The following SEC22A variants were observed in gnomAD, a reference collection of about 807,000 sequenced individuals.
SEC22A encodes the protein vesicle-trafficking protein SEC22a.
A neutral mutation model predicts 35.3 loss-of-function variants in SEC22A; 22 were observed. That is an observed-to-expected ratio of 0.62 (90% CI 0.45 to 0.89). SEC22A has a LOEUF of 0.89. SEC22A is among the 40% of genes least tolerant of loss of function. SEC22A has a pLI of 0.00. For missense variants in SEC22A, 354 were observed against 362.5 expected (o/e 0.98, Z 0.19); for synonymous variants, 119 against 129.5 (o/e 0.92, Z 0.55).
rs541007531 is a variant in SEC22A, at chr3:123,222,952, TACCAGTCA to T, written c.183-604_183-597del. Among the ~76,000 whole-genome samples the T allele has an allele frequency of 1.4e-4, 22 of 152,374 alleles. No individual in the cohort carries two copies. The South Asian group carries it at 4.3e-3, about 30-fold the overall frequency. On this transcript the variant is annotated intron_variant, in intron 2 of 6. Transcript: ENST00000492595. ...CCATTGCTAGCACTTCCTCTACGTT[TACCAGTCA>T]ACACTCAGCATTCTGCTTTAAGCCA...
At chr3:123,235,300 A>G (rs532978533) in intron 4 of SEC22A, among the ~76,000 whole-genome samples, 3 of 152,378 alleles carry the variant, frequency 2.0e-5, no homozygotes, top group South Asian at 4.1e-4. Context: ...AGGAACTAGT[A>G]TCTAGAATAT....
At chr3:123,237,942 AG>A (rs1372892007) in intron 4 of SEC22A, among the ~76,000 whole-genome samples, 1 of 152,090 alleles carries the variant, frequency 6.6e-6, no homozygotes, top group African/African-American at 2.4e-5. Context: ...GTTTGAGCCT[AG>A]GTGTTTGAGA....
chr3:123,255,480 CAT>C (rs1229374122), intron 5 of SEC22A, among the ~76,000 whole-genome samples: 4 of 152,114 alleles, frequency 2.6e-5, no homozygotes, highest in African/African-American at 9.7e-5. Flanking sequence ...TACACACACA[CAT>C]ACACACACAC....
intron 5 of SEC22A, among the ~76,000 whole-genome samples, chr3:123,248,548 G>A (rs1186959146): frequency 6.6e-6 from 1 of 152,008 alleles, no homozygotes; most frequent in East Asian, 1.9e-4. Flanking sequence ...TCTTTATGAG[G>A]AAAATGATAA....
intron 4 of SEC22A, among the ~76,000 whole-genome samples, chr3:123,241,122 G>T (rs1353669024): frequency 6.6e-6 from 1 of 150,776 alleles, no homozygotes; most frequent in Non-Finnish European, 1.5e-5. Flanking sequence ...GCATTTTTTA[G>T]AAATACAGTA....
At chr3:123,217,260 C>T (rs1029474215) in intron 2 of SEC22A, among the ~76,000 whole-genome samples, 4 of 151,752 alleles carry the variant, frequency 2.6e-5, no homozygotes, top group East Asian at 1.9e-4. Context: ...TGCAATGGCA[C>T]GATCTTGGCT....
chr3:123,271,569 T>G lies in SEC22A; in HGVS notation c.771T>G (p.Phe257Leu), dbSNP rs777411952. Reference sequence around the variant, plus strand: ...CCGGCTGGCGGAATGTCAAATCTTTTTTGACTTTTGGCTTAATCTGTCTAT... The same window carrying G: ...CCGGCTGGCGGAATGTCAAATCTTTGTTGACTTTTGGCTTAATCTGTCTAT... ...YYTGWRNVKS[F>L]LTFGLICLCN... The change falls in exon 7 of 7, where the codon TTT (phenylalanine) becomes TTG (leucine). Residue 257 changes from phenylalanine (F) to leucine (L), a missense_variant. Phe to Leu is a conservative substitution (Grantham distance 22, BLOSUM62 0). Coordinates refer to ENST00000492595, the MANE Select transcript of SEC22A (RefSeq NM_012430.5). 2 of 1,614,176 alleles carry G rather than the reference T, an allele frequency of 1.2e-6. No homozygotes were observed. Among genetic ancestry groups the G allele is most frequent in the Non-Finnish European group, 1.7e-6 (2 of 1,180,024 alleles).
In SEC22A at chr3:123,254,964, A is replaced by C. The variant is rs571050256; in HGVS notation, c.658-4560A>C. ...TGTTCTCATTGTTCAGTTCCCACCT[A>C]TGAGTCTTAGTCTACTATGATCTCT... On this transcript the variant is annotated intron_variant, in intron 5 of 6. Coordinates refer to ENST00000492595, the MANE Select transcript of SEC22A (RefSeq NM_012430.5). Among the ~76,000 whole-genome samples the C allele has an allele frequency of 3.5e-5, 5 of 144,030 alleles. No homozygotes were observed. In the Admixed American group the frequency reaches 3.8e-4, roughly 11 times the overall value. 94.5% of individuals were successfully genotyped at this position (144,030 alleles called of 152,430 possible).
chr3:123,264,394 T>C (rs1937974096), intron 6 of SEC22A, among the ~76,000 whole-genome samples: 1 of 152,142 alleles, frequency 6.6e-6, no homozygotes, highest in African/African-American at 2.4e-5. Flanking sequence ...TTTTCCAGAG[T>C]AGCTGTACCA....
At chr3:123,232,211 C>G (rs1028423520) in intron 4 of SEC22A, among the ~76,000 whole-genome samples, 1 of 151,904 alleles carries the variant, frequency 6.6e-6, no homozygotes, top group Non-Finnish European at 1.5e-5. Context: ...CTGCACTCCA[C>G]CCTGGGTGAT....
At chr3:123,258,679 T>C (rs1268297941) in intron 5 of SEC22A, among the ~76,000 whole-genome samples, 1 of 152,136 alleles carries the variant, frequency 6.6e-6, no homozygotes, top group East Asian at 1.9e-4. Flanking sequence ...GATAATGAGA[T>C]ACTCTTCTGT....
At chr3:123,259,077 A>G (rs1223318979) in intron 5 of SEC22A, among the ~76,000 whole-genome samples, 1 of 152,214 alleles carries the variant, frequency 6.6e-6, no homozygotes, top group Non-Finnish European at 1.5e-5. Flanking sequence ...TAAAAAAATC[A>G]TATCAAATTA....
intron 2 of SEC22A, among the ~76,000 whole-genome samples, chr3:123,217,372 TG>T (rs1937048234): frequency 6.8e-6 from 1 of 147,926 alleles, no homozygotes; most frequent in Non-Finnish European, 1.5e-5. Context: ...TAATTTTTTT[TG>T]TATTTTTTTA....
At chr3:123,217,779 G>A (rs1469633484) in intron 2 of SEC22A, among the ~76,000 whole-genome samples, 1 of 152,076 alleles carries the variant, frequency 6.6e-6, no homozygotes, top group Admixed American at 6.5e-5. Flanking sequence ...TACATTTTAT[G>A]TATATATCTT....
At chr3:123,234,112 A>G (rs552002692) in intron 4 of SEC22A, among the ~76,000 whole-genome samples, 5 of 152,344 alleles carry the variant, frequency 3.3e-5, no homozygotes, top group East Asian at 1.9e-4. Flanking sequence ...ACTTTAAAAC[A>G]TAATTGAAAG....
chr3:123,209,841 G>A (rs73856877), intron 2 of SEC22A, among the ~76,000 whole-genome samples: 2,201 of 152,212 alleles, frequency 0.014, 58 homozygotes, highest in African/African-American at 0.05. Context: ...ATTTATTGTG[G>A]TCAAGACACT....
intron 2 of SEC22A, among the ~76,000 whole-genome samples, chr3:123,222,267 C>T (rs1013235866): frequency 2.6e-5 from 4 of 151,966 alleles, no homozygotes; most frequent in Admixed American, 6.6e-5. Flanking sequence ...GGCGCAATCT[C>T]GGCTCTTTGC....
intron 6 of SEC22A, among the ~76,000 whole-genome samples, chr3:123,260,398 A>T (rs557197529): frequency 6.6e-6 from 1 of 152,298 alleles, no homozygotes; most frequent in Non-Finnish European, 1.5e-5. Context: ...ATGAAAGCCA[A>T]CATATGGTAA....
At position 123,263,282 on chromosome 3, in the gene SEC22A, G is replaced by A. The variant is rs546278682; in HGVS notation, c.723+3693G>A. Among the ~76,000 whole-genome samples the A allele has an allele frequency of 5.3e-5, 8 of 152,300 alleles. No individual in the cohort carries two copies. In the South Asian group the frequency reaches 1.5e-3, roughly 28 times the overall value. On this transcript the variant is annotated intron_variant, in intron 6 of 6. Transcript: ENST00000492595. ...GGAAGTCCAGATGCTGGCACATCAT[G>A]TTCTTGCTGAGGGCCCTTTTCCTGG... is the stretch of plus-strand genomic sequence containing the variant.
Sources: gnomAD v4.1 joint callset for allele counts (sites outside exome capture counted in the v4.1 genomes callset) on GRCh38, gnomAD v4.1.1 for gene constraint, MANE v1.5 for transcripts, NCBI Gene and HGNC (gene_info 2026-07-23, HGNC 2026-07-21) for gene names.